The following SERPINI1 variants were observed in gnomAD, a reference collection of about 807,000 sequenced individuals.
SERPINI1 encodes the protein serpin family I member 1, also known as neuroserpin.
A neutral mutation model predicts 41.1 loss-of-function variants in SERPINI1; 19 were observed. That is an observed-to-expected ratio of 0.46 (90% CI 0.32 to 0.68). The LOEUF is 0.68. Among genes scored for constraint, SERPINI1 ranks in the 30% least tolerant of loss-of-function variants. The pLI, the probability that SERPINI1 is intolerant of heterozygous loss-of-function variation, is 0.03. For synonymous variants in SERPINI1, 138 were observed against 156.6 expected, an observed-to-expected ratio of 0.88 and a Z score of 0.89; for missense variants, 460 against 479.2, an observed-to-expected ratio of 0.96 and a Z score of 0.37.
chr3:167,812,275 G>T (rs1441786136), intron 6 of SERPINI1, among the ~76,000 whole-genome samples: 1 of 152,146 alleles, frequency 6.6e-6, no homozygotes, highest in South Asian at 2.1e-4. Flanking sequence ...CCAGCCTTCA[G>T]TCACCTGTGC....
chr3:167,820,454 C>T (rs9817330), intron 6 of SERPINI1, among the ~76,000 whole-genome samples: 3,609 of 152,312 alleles, frequency 0.024, 119 homozygotes, highest in African/African-American at 0.083. Flanking sequence ...AGTGCCTGCT[C>T]CTACTGCCTG....
intron 6 of SERPINI1, among the ~76,000 whole-genome samples, chr3:167,817,339 C>T (rs1044884798): frequency 5.3e-5 from 8 of 152,034 alleles, no homozygotes; most frequent in Non-Finnish European, 1.0e-4. Flanking sequence ...TCATTTTTTA[C>T]AGCAAAGTAA....
At chr3:167,754,079 C>T (rs1726125552) in intron 1 of SERPINI1, among the ~76,000 whole-genome samples, 1 of 152,196 alleles carries the variant, frequency 6.6e-6, no homozygotes, top group Non-Finnish European at 1.5e-5. Context: ...CTCCCAGTAA[C>T]TGGTTGGAAG....
At chr3:167,802,922 A>G (rs1711504042) in intron 5 of SERPINI1, among the ~76,000 whole-genome samples, 1 of 150,124 alleles carries the variant, frequency 6.7e-6, no homozygotes, top group South Asian at 2.1e-4. Flanking sequence ...TGTGGCACAT[A>G]TACACCACGG....
At chr3:167,762,672 G>A (rs946747212) in intron 1 of SERPINI1, among the ~76,000 whole-genome samples, 2 of 151,858 alleles carry the variant, frequency 1.3e-5, no homozygotes, top group African/African-American at 4.8e-5. Context: ...TGAAACCTTT[G>A]TTCAAAAATC....
At chr3:167,809,172 A>T (rs2108568257) in intron 6 of SERPINI1, among the ~76,000 whole-genome samples, 1 of 152,298 alleles carries the variant, frequency 6.6e-6, no homozygotes, top group East Asian at 1.9e-4. Context: ...ACTGGTAGAG[A>T]TTCAAAATAT....
chr3:167,771,511 T>G (rs1237919403), intron 1 of SERPINI1, among the ~76,000 whole-genome samples: 1 of 152,204 alleles, frequency 6.6e-6, no homozygotes, highest in African/African-American at 2.4e-5. Context: ...TTTGGTTGGT[T>G]TCACTGAGGG....
chr3:167,783,646 A>G (rs1727212188), intron 1 of SERPINI1, among the ~76,000 whole-genome samples: 3 of 152,052 alleles, frequency 2.0e-5, no homozygotes, highest in Non-Finnish European at 4.4e-5. Flanking sequence ...AGAACAAGGA[A>G]ACCACTCCCT....
chr3:167,804,604 A>G (rs1711564232), intron 5 of SERPINI1, among the ~76,000 whole-genome samples: 1 of 152,172 alleles, frequency 6.6e-6, no homozygotes, highest in Non-Finnish European at 1.5e-5. Flanking sequence ...AGGCCAAGGC[A>G]GGAAGATTGC....
At chr3:167,781,827 A>T in intron 1 of SERPINI1, among the ~76,000 whole-genome samples, 1 of 151,944 alleles carries the variant, frequency 6.6e-6, no homozygotes. Flanking sequence ...ATGAACTACC[A>T]GGGAAGTTAA....
At chr3:167,791,673 A>G (rs1727519074) in intron 3 of SERPINI1, among the ~76,000 whole-genome samples, 1 of 152,238 alleles carries the variant, frequency 6.6e-6, no homozygotes, top group Admixed American at 6.5e-5. Context: ...TTGGAAAGGA[A>G]TATTTCAGAT....
At chr3:167,817,235 C>T (rs1712130052) in intron 6 of SERPINI1, among the ~76,000 whole-genome samples, 1 of 152,114 alleles carries the variant, frequency 6.6e-6, no homozygotes, top group African/African-American at 2.4e-5. Context: ...GTATATGTTG[C>T]TAAGTTTAAT....
chr3:167,756,461 C>G (rs571319242), intron 1 of SERPINI1, among the ~76,000 whole-genome samples: 2 of 152,118 alleles, frequency 1.3e-5, no homozygotes, highest in South Asian at 4.1e-4. Flanking sequence ...CCACATTCAT[C>G]TTTGTTTTTG....
intron 1 of SERPINI1, among the ~76,000 whole-genome samples, chr3:167,756,865 A>C (rs1355951503): frequency 6.6e-6 from 1 of 152,138 alleles, no homozygotes; most frequent in East Asian, 1.9e-4. Flanking sequence ...AGACTTTATA[A>C]ATAATGTATT....
chr3:167,820,488 A>G (rs957737504), intron 6 of SERPINI1, among the ~76,000 whole-genome samples: 2 of 152,040 alleles, frequency 1.3e-5, no homozygotes, highest in Non-Finnish European at 2.9e-5. Flanking sequence ...CCCGGAGACC[A>G]CTCTGATTTC....
intron 5 of SERPINI1, among the ~76,000 whole-genome samples, chr3:167,802,866 T>G (rs1711503725): frequency 6.7e-6 from 1 of 150,332 alleles, no homozygotes. Context: ...AGCAAAGACT[T>G]GGAACCAACC....
rs762830478 is a variant in SERPINI1, at chr3:167,792,388, C to CAT, written c.482-191_482-190dup. Among the ~76,000 whole-genome samples the CAT allele has an allele frequency of 2.7e-3, 401 of 148,438 alleles. 1 individual carries two copies. Among genetic ancestry groups the CAT allele is most frequent in the Non-Finnish European group, 4.4e-3 (296 of 67,304 alleles). On this transcript the variant is annotated intron_variant, in intron 3 of 8. Transcript: ENST00000446050. ...ACACATATATATATATACACACACA[C>CAT]ATATATATATATGTAGTGTGTGTGT... is the stretch of plus-strand genomic sequence containing the variant.
At chr3:167,759,399 G>GATATATATATATATATATAT (rs1364573755) in intron 1 of SERPINI1, among the ~76,000 whole-genome samples, 4 of 81,620 alleles carry the variant, frequency 4.9e-5, no homozygotes, top group Admixed American at 1.1e-4. Context: ...AAGAAAATGT[G>GATATATATATATATATATAT]GTATATATAT....
chr3:167,763,450 G>T (rs1214218160), intron 1 of SERPINI1, among the ~76,000 whole-genome samples: 3 of 150,748 alleles, frequency 2.0e-5, no homozygotes, highest in Admixed American at 6.6e-5. Context: ...TGTGATCTTG[G>T]CTCACTGCAA....
Sources: gnomAD v4.1 joint callset for allele counts (sites outside exome capture counted in the v4.1 genomes callset) on GRCh38, gnomAD v4.1.1 for gene constraint, MANE v1.5 for transcripts, NCBI Gene and HGNC (gene_info 2026-07-23, HGNC 2026-07-21) for gene names.